Variants in SLC3A1 observed in about 807,000 individuals in gnomAD.
SLC3A1 encodes the protein amino acid transporter heavy chain SLC3A1.
In SLC3A1, 78 loss-of-function variants were observed where a neutral mutation model predicts 60.3. The observed-to-expected ratio is 1.29, with a 90% CI of 1.08 to 1.56. The LOEUF (loss-of-function observed/expected upper bound fraction) is 1.56. SLC3A1 is among the 40% of genes most tolerant of loss of function. The probability of loss-of-function intolerance (pLI) is 0.00; values close to 1 mark genes in which losing one functional copy is unlikely to be tolerated. For missense variants in SLC3A1, 1,172 were observed against 858.9 expected (o/e 1.36, Z -4.56); for synonymous variants, 392 against 307.9 (o/e 1.27, Z -2.86).
At chr2:44,297,168 G>C (rs569127116) in intron 4 of SLC3A1, among the ~76,000 whole-genome samples, 1 of 152,290 alleles carries the variant, frequency 6.6e-6, no homozygotes, top group South Asian at 2.1e-4. Context: ...AGATGGTTCT[G>C]CTCTAAAATG....
Position 44,292,630 on chromosome 2 carries a change from T to C in SLC3A1, c.891+6473T>C, listed in dbSNP as rs139693561. On this transcript the variant is annotated intron_variant, in intron 4 of 9. Coordinates refer to ENST00000260649, the MANE Select transcript of SLC3A1 (RefSeq NM_000341.4). ...GGGCAAGCGCCTAACCTGGACACAT[T>C]TGCAGAGGAGGTGAGATACCTGAGG... is the stretch of plus-strand genomic sequence containing the variant. 9.2e-3 allele frequency among the ~76,000 whole-genome samples: 1,403 copies of C among 152,128 alleles called. 28 individuals are homozygous for C. The highest frequency in any genetic ancestry group is 0.089 in the South Asian group (427 of 4,806).
chr2:44,300,845 C>G (rs1381104755), intron 5 of SLC3A1, among the ~76,000 whole-genome samples, 158 bp from the exon 6 acceptor site: 2 of 152,178 alleles, frequency 1.3e-5, no homozygotes, highest in Non-Finnish European at 2.9e-5. Flanking sequence ...ACAACTTGAG[C>G]ATCAAATGAA....
intron 9 of SLC3A1, chr2:44,318,198 C>G (rs1347330643): frequency 2.5e-6 from 1 of 406,004 alleles, no homozygotes; most frequent in Non-Finnish European, 4.9e-6. Flanking sequence ...TCAAGTGATT[C>G]TCCTGCTGCA....
chr2:44,310,563 T>A (rs184664521), intron 7 of SLC3A1, among the ~76,000 whole-genome samples: 1 of 152,156 alleles, frequency 6.6e-6, no homozygotes, highest in Admixed American at 6.5e-5. Context: ...CTTTAAAGAT[T>A]CTGTGTCTTT....
rs563776957 is a variant in SLC3A1 at position 44,289,318 on chromosome 2, C to T, written c.891+3161C>T. ...CTCCACCTCCTGGGTTCAAGTGACT[C>T]TCCTACCTCAGCCACCCAAGTAGCT... On this transcript the variant is annotated intron_variant, in intron 4 of 9. Transcript: ENST00000260649. 9.6e-5 allele frequency among the ~76,000 whole-genome samples: 14 copies of T among 146,556 alleles called. No homozygotes were observed. In the East Asian group the frequency reaches 2.8e-3, roughly 29 times the overall value.
rs1332579288 is a variant in SLC3A1, at chr2:44,275,794, G to A, written c.259G>A (p.Glu87Lys). Reference sequence around the variant, plus strand: ...CCAGGCCCGCTACCGCATACCTCGGGAGATCCTCTTCTGGCTCACAGTGGC... The same window carrying A: ...CCAGGCCCGCTACCGCATACCTCGGAAGATCCTCTTCTGGCTCACAGTGGC... ...SGQARYRIPR[E>K]ILFWLTVASV... The change falls in exon 1 of 10, where the codon GAG (glutamate) becomes AAG (lysine). Residue 87 changes from glutamate (E) to lysine (K), a missense_variant. Coordinates refer to ENST00000260649, the MANE Select transcript of SLC3A1 (RefSeq NM_000341.4). 1.9e-6 allele frequency: 3 copies of A among 1,614,250 alleles called. No homozygotes were observed. The highest frequency in any genetic ancestry group is 2.5e-6 in the Non-Finnish European group (3 of 1,180,042).
In SLC3A1 at chr2:44,299,955, GCTT is replaced by G. The variant is rs773007075; in HGVS notation, c.892-11_892-9del. On this transcript the variant is annotated splice_polypyrimidine_tract_variant and intron_variant, in intron 4 of 9. Coordinates refer to ENST00000260649, the MANE Select transcript of SLC3A1 (RefSeq NM_000341.4). ...CGTAGTTAATGTAACCAAGCATTTT[GCTT>G]CTTCATCTTTAGGAAATTTTACGGT... 6.2e-6 allele frequency: 10 copies of G among 1,613,540 alleles called. No individual in the cohort carries two copies. The East Asian group carries it at 1.1e-4, about 18-fold the overall frequency.
intron 1 of SLC3A1, among the ~76,000 whole-genome samples, chr2:44,278,210 C>T (rs1366939084): frequency 1.3e-5 from 2 of 151,602 alleles, no homozygotes; most frequent in African/African-American, 2.4e-5. Context: ...TTTGGGAGGC[C>T]GAGGCAGGTG....
chr2:44,319,507 A>G (rs747189648), intron 9 of SLC3A1: 2 of 152,298 alleles, frequency 1.3e-5, no homozygotes, highest in African/African-American at 2.4e-5. Flanking sequence ...TATGGAGGCT[A>G]TATTATATAG....
At chr2:44,304,061 A>G (rs1454518387) in intron 6 of SLC3A1, 82 bp from the exon 7 acceptor site, 13 of 1,023,186 alleles carry the variant, frequency 1.3e-5, no homozygotes, top group Admixed American at 3.4e-5. Flanking sequence ...TACATCTTGT[A>G]CATGCAAGAT....
intron 6 of SLC3A1, among the ~76,000 whole-genome samples, chr2:44,302,038 G>A (rs1438223951): frequency 6.6e-6 from 1 of 152,170 alleles, no homozygotes; most frequent in African/African-American, 2.4e-5. Context: ...CTGGGCAACA[G>A]AGCAATACTC....
Position 44,321,117 on chromosome 2 carries a change from T to A in SLC3A1, c.*478T>A. The A allele has an allele frequency of 2.1e-6, 1 of 479,198 alleles. No homozygotes were observed. The highest frequency in any genetic ancestry group is 3.8e-6 in the Non-Finnish European group (1 of 264,586). 29.7% of individuals were successfully genotyped at this position (479,198 alleles called of 1,614,324 possible). A position where few individuals can be genotyped will look rare whatever the true frequency, so the allele number is the denominator to read the frequency against. ...ATCCTTCCCTTCCCTCTACTCCACATCCTTCTAAGGAGCATGATTTGAAAA... is the reference window on the plus strand; with the variant it reads ...ATCCTTCCCTTCCCTCTACTCCACAACCTTCTAAGGAGCATGATTTGAAAA... On this transcript the variant is annotated 3_prime_UTR_variant, in exon 10 of 10. Coordinates refer to ENST00000260649, the MANE Select transcript of SLC3A1 (RefSeq NM_000341.4).
chr2:44,275,949 G>A lies in SLC3A1; in HGVS notation c.414G>A (p.Gly138=), dbSNP rs1269023639. The A allele has an allele frequency of 6.2e-7, 1 of 1,614,194 alleles. No homozygotes were observed. The highest frequency in any genetic ancestry group is 2.2e-5 in the East Asian group (1 of 44,890). Residue 138 remains glycine, a synonymous_variant, in exon 1 of 10, where the codon GGG becomes GGA. Coordinates refer to ENST00000260649, the MANE Select transcript of SLC3A1 (RefSeq NM_000341.4). ...PRSFKDSNKD[G]NGDLKGIQDK... ...CTTTCAAGGACAGTAACAAGGATGGGAACGGAGATCTGAAAGGTACATGCC... is the reference window on the plus strand; with the variant it reads ...CTTTCAAGGACAGTAACAAGGATGGAAACGGAGATCTGAAAGGTACATGCC...
chr2:44,282,980 A>G (rs1459586126), intron 3 of SLC3A1, among the ~76,000 whole-genome samples: 1 of 152,194 alleles, frequency 6.6e-6, no homozygotes, highest in Non-Finnish European at 1.5e-5. Flanking sequence ...CTTATACTCA[A>G]CAATATGCGT....
Position 44,303,932 on chromosome 2 carries a change from A to G in SLC3A1, c.1137-211A>G, listed in dbSNP as rs533240626. 364 of 634,304 alleles carry G rather than the reference A, an allele frequency of 5.7e-4. 6 individuals are homozygous for G. The South Asian group carries it at 6.4e-3, about 11-fold the overall frequency. The allele number at this position is 634,304 out of a possible 1,614,324, so 39.3% of individuals were successfully genotyped here. A position where few individuals can be genotyped will look rare whatever the true frequency, so the allele number is the denominator to read the frequency against. Reference sequence around the variant, plus strand: ...GACTCATCCTTTTTTATGGCTGCATAGTATTCCATGGTGTGTATGTGCCAC... The same window carrying G: ...GACTCATCCTTTTTTATGGCTGCATGGTATTCCATGGTGTGTATGTGCCAC... On this transcript the variant is annotated intron_variant, in intron 6 of 9. Coordinates refer to ENST00000260649, the MANE Select transcript of SLC3A1 (RefSeq NM_000341.4).
intron 6 of SLC3A1, among the ~76,000 whole-genome samples, chr2:44,302,651 C>T (rs936189901): frequency 1.3e-5 from 2 of 152,186 alleles, no homozygotes; most frequent in African/African-American, 2.4e-5. Flanking sequence ...AATGTGTCTT[C>T]CCCCAGGGTT....
In SLC3A1 at chr2:44,286,080, C is replaced by T. The variant is rs1671606324; in HGVS notation, c.814C>T (p.Gln272Ter). ...TTGGCACTTTGACGAAGTGCGAAAC[C>T]AATGTTATTTTCATCAGTTTATGAA... Reference protein sequence around the residue: ...SSWHFDEVRNQCYFHQFMKEQ... With the variant: ...SSWHFDEVRN The change falls in exon 4 of 10, where the codon CAA (glutamine) becomes TAA (stop). Residue 272 changes from glutamine (Q) to a stop codon, truncating the protein, a stop_gained. Coordinates refer to ENST00000260649, the MANE Select transcript of SLC3A1 (RefSeq NM_000341.4). LOFTEE classifies it high-confidence loss of function. The T allele has an allele frequency of 6.2e-7, 1 of 1,613,570 alleles. No individual in the cohort carries two copies. Among genetic ancestry groups the T allele is most frequent in the South Asian group, 1.1e-5 (1 of 91,072 alleles).
Position 44,280,851 on chromosome 2 carries a change from C to T in SLC3A1, c.566C>T (p.Thr189Met), listed in dbSNP as rs140317484. 6,101 of 1,613,892 alleles carry T rather than the reference C, an allele frequency of 3.8e-3. 22 individuals are homozygous for T. The highest frequency in any genetic ancestry group is 8.2e-3 in the Middle Eastern group (50 of 6,062). Reference sequence around the variant, plus strand: ...CGGGAAGTTGATCCCATTTTTGGAACGATGGAAGATTTTGAGAATCTGGTT... The same window carrying T: ...CGGGAAGTTGATCCCATTTTTGGAATGATGGAAGATTTTGAGAATCTGGTT... ...DFREVDPIFG[T>M]MEDFENLVAA... The change falls in exon 2 of 10, where the codon ACG becomes ATG. Residue 189 changes from threonine (T) to methionine (M), a missense_variant. Physicochemically the swap from Thr to Met is moderately conservative, Grantham distance 81. Coordinates refer to ENST00000260649, the MANE Select transcript of SLC3A1 (RefSeq NM_000341.4).
intron 3 of SLC3A1, chr2:44,285,721 A>G (rs1312859452): frequency 5.6e-6 from 3 of 540,536 alleles, no homozygotes; most frequent in Admixed American, 4.5e-5. Context: ...TGGACAGAAG[A>G]TTCAAGAAAA....
Sources: allele counts gnomAD v4.1 joint callset (sites outside exome capture counted in the v4.1 genomes callset), GRCh38; gene constraint gnomAD v4.1.1; transcripts MANE v1.5; gene names NCBI Gene and HGNC (gene_info 2026-07-23, HGNC 2026-07-21).